ARHGEF10L: variants seen among roughly 807,000 people sequenced by gnomAD.
ARHGEF10L encodes rho guanine nucleotide exchange factor 10-like protein.
ARHGEF10L carries 69 observed loss-of-function variants against 141.2 expected under a neutral mutation model. The ratio of observed to expected loss-of-function variants is 0.49; its 90% CI spans 0.40 to 0.60. The LOEUF (loss-of-function observed/expected upper bound fraction) is 0.60. ARHGEF10L is among the 20% of genes least tolerant of loss of function. The pLI is 0.00. For synonymous variants in ARHGEF10L, 711 were observed against 718.5 expected, an observed-to-expected ratio of 0.99 and a Z score of 0.17; for missense variants, 1,482 against 1,734.3, an observed-to-expected ratio of 0.85 and a Z score of 2.58.
At chr1:17,514,122 C>A in the ARHGEF10L span, among the ~76,000 whole-genome samples, 585 of 124,976 alleles carry the variant, frequency 4.7e-3, 4 homozygotes, top group African/African-American at 0.016. Flanking sequence ...CCTCACCCAG[C>A]CTCTTTTTTT....
rs963659215 is a variant in ARHGEF10L at position 17,573,498 on chromosome 1, C to T, written c.-43-7055C>T. On this transcript the variant is annotated intron_variant, in intron 1 of 28. Coordinates refer to ENST00000361221, the MANE Select transcript of ARHGEF10L (RefSeq NM_018125.4). The surrounding 1 kb of genome is among the most constrained non-coding windows in gnomAD (Gnocchi z 4.8). ...TCAGCTGATGGCAGGTGGCTTCCTC[C>T]GGCACTTCAGCTTCTTCACTCCTTC... 5.9e-5 allele frequency among the ~76,000 whole-genome samples: 9 copies of T among 152,162 alleles called. No homozygotes were observed. Among genetic ancestry groups the T allele is most frequent in the Non-Finnish European group, 1.2e-4 (8 of 68,026 alleles).
the ARHGEF10L span, among the ~76,000 whole-genome samples, chr1:17,521,485 G>A: frequency 8.5e-5 from 13 of 152,190 alleles, no homozygotes; most frequent in African/African-American, 1.9e-4. Context: ...CGTAGAGCTC[G>A]ATGTTTTTGG....
At chr1:17,635,870 G>C (rs2060968166) in intron 18 of ARHGEF10L, among the ~76,000 whole-genome samples, 1 of 152,270 alleles carries the variant, frequency 6.6e-6, no homozygotes, top group Non-Finnish European at 1.5e-5. Flanking sequence ...GGTGAGAAAG[G>C]CACTGGGGTT....
chr1:17,690,562 A>G (rs2065028157), intron 27 of ARHGEF10L, among the ~76,000 whole-genome samples: 1 of 152,244 alleles, frequency 6.6e-6, no homozygotes, highest in Non-Finnish European at 1.5e-5. Context: ...ATCAGTGCAG[A>G]CAGAGGTGAC....
intron 4 of ARHGEF10L, among the ~76,000 whole-genome samples, chr1:17,592,397 T>C (rs1276961817): frequency 1.3e-5 from 2 of 152,162 alleles, no homozygotes; most frequent in Admixed American, 6.5e-5. Flanking sequence ...TCCTGGGCTT[T>C]TCTGGATAAG....
At position 17,624,434 on chromosome 1, in the gene ARHGEF10L, C is replaced by T; in HGVS notation, c.1248C>T (p.Asn416=). The T allele has an allele frequency of 6.2e-7, 1 of 1,614,256 alleles. No homozygotes were observed. Among genetic ancestry groups the T allele is most frequent in the African/African-American group, 1.3e-5 (1 of 75,072 alleles). ...VLDVYSDYVN[N]FTSAMSIIKK... ...ATGTGTACAGTGACTACGTGAACAA[C>T]TTCACCAGTGCCATGTCCATCATCA... The change falls in exon 13 of 29, where the codon AAC becomes AAT. Residue 416 remains asparagine (N), a synonymous_variant. Transcript: ENST00000361221.
chr1:17,624,951 G>T (rs2060301939), intron 13 of ARHGEF10L, among the ~76,000 whole-genome samples: 1 of 152,224 alleles, frequency 6.6e-6, no homozygotes, highest in Non-Finnish European at 1.5e-5. Flanking sequence ...AAGCTTCTGA[G>T]TTCTCATGTG....
intron 26 of ARHGEF10L, among the ~76,000 whole-genome samples, chr1:17,686,595 G>C (rs552725916): frequency 1.4e-4 from 21 of 152,152 alleles, no homozygotes; most frequent in East Asian, 3.9e-4. Context: ...AGGACAGTTC[G>C]GGGGGGCAGT....
chr1:17,567,428 G>T (rs1437722102), intron 1 of ARHGEF10L, among the ~76,000 whole-genome samples: 1 of 152,134 alleles, frequency 6.6e-6, no homozygotes, highest in East Asian at 1.9e-4. Flanking sequence ...GTACAATGGC[G>T]CGATCTCGGC....
intron 15 of ARHGEF10L, among the ~76,000 whole-genome samples, chr1:17,629,641 C>G (rs138532333): frequency 7.2e-5 from 11 of 152,250 alleles, no homozygotes; most frequent in Middle Eastern, 3.4e-3. Flanking sequence ...ATCCACGTGG[C>G]TCAGGTTGGG....
chr1:17,661,335 C>T (rs1322352138), intron 25 of ARHGEF10L, among the ~76,000 whole-genome samples: 3 of 152,232 alleles, frequency 2.0e-5, no homozygotes, highest in Non-Finnish European at 4.4e-5. Context: ...GCCCCGGCCT[C>T]CCAAAGTGTT....
At chr1:17,610,376 C>T (rs1275660362) in intron 7 of ARHGEF10L, among the ~76,000 whole-genome samples, 1 of 152,126 alleles carries the variant, frequency 6.6e-6, no homozygotes, top group Non-Finnish European at 1.5e-5. Flanking sequence ...CCCTCACACT[C>T]TCAGGCTGGG....
intron 22 of ARHGEF10L, among the ~76,000 whole-genome samples, chr1:17,649,337 C>T (rs542473682): frequency 6.6e-6 from 1 of 152,200 alleles, no homozygotes; most frequent in Non-Finnish European, 1.5e-5. Flanking sequence ...TGCCCTTATA[C>T]CCTGTCCTAG....
chr1:17,653,434 A>C (rs1439421513), intron 22 of ARHGEF10L, among the ~76,000 whole-genome samples: 1 of 152,294 alleles, frequency 6.6e-6, no homozygotes, highest in East Asian at 1.9e-4. Context: ...AGCTGACATC[A>C]GGGCCCACTG....
At chr1:17,557,569 C>G (rs1173796411) in intron 1 of ARHGEF10L, among the ~76,000 whole-genome samples, 1 of 152,182 alleles carries the variant, frequency 6.6e-6, no homozygotes, top group African/African-American at 2.4e-5. Context: ...GAGCCTCATC[C>G]TTAGAGATTC....
intron 18 of ARHGEF10L, 142 bp downstream of exon 18, chr1:17,635,158 GT>G: frequency 1.9e-6 from 2 of 1,047,538 alleles, no homozygotes; most frequent in South Asian, 1.6e-5. Flanking sequence ...GCTCTTGCTG[GT>G]TTTGCAGCCC....
intron 27 of ARHGEF10L, among the ~76,000 whole-genome samples, chr1:17,693,777 CA>C (rs2065278411): frequency 6.6e-6 from 1 of 152,180 alleles, no homozygotes; most frequent in Non-Finnish European, 1.5e-5. Flanking sequence ...AAATGTGATC[CA>C]TGGACCAGAA....
At position 17,640,220 on chromosome 1, in the gene ARHGEF10L, C is replaced by T; in HGVS notation, c.2190C>T (p.Ser730=). ...GKPDKSGRPI[S]FMVVFITPNP... The stretch of plus-strand genomic sequence containing the variant: ...ACCACAGGTCCGGCCGCCCCATTAG[C>T]TTCATGGTGGTTTTCATCACCCCCA... Residue 730 remains serine, a synonymous_variant, in exon 21 of 29, where the codon AGC becomes AGT. Transcript: ENST00000361221. 6.2e-7 allele frequency: 1 copy of T among 1,612,548 alleles called. No individual in the cohort carries two copies. Among genetic ancestry groups the T allele is most frequent in the South Asian group, 1.1e-5 (1 of 90,544 alleles).
chr1:17,618,416 T>C (rs766948947), intron 9 of ARHGEF10L: 3 of 1,536,354 alleles, frequency 2.0e-6, no homozygotes, highest in Non-Finnish European at 2.6e-6. Context: ...GGGTGCGGAG[T>C]GATGCCCGGG....
Sources: gnomAD v4.1 joint callset for allele counts (sites outside exome capture counted in the v4.1 genomes callset) on GRCh38, gnomAD v4.1.1 for gene constraint, Gnocchi (gnomAD v3.1) non-coding constraint, MANE v1.5 for transcripts, NCBI Gene and HGNC (gene_info 2026-07-23, HGNC 2026-07-21) for gene names.